Variants in CDC14B observed in about 807,000 individuals in gnomAD.
CDC14B encodes cell division cycle 14B.
A neutral mutation model predicts 64.2 loss-of-function variants in CDC14B; 22 were observed. That is an observed-to-expected ratio of 0.34 (90% CI 0.24 to 0.49). The LOEUF is 0.49. Ranked by LOEUF, CDC14B falls within the 20% of genes least tolerant of loss-of-function variation. The probability of loss-of-function intolerance (pLI) is 0.99; values close to 1 mark genes in which losing one functional copy is unlikely to be tolerated. For synonymous variants in CDC14B, 191 were observed against 215.8 expected, an observed-to-expected ratio of 0.89 and a Z score of 1.01; for missense variants, 498 against 629.9, an observed-to-expected ratio of 0.79 and a Z score of 2.24.
intron 4 of CDC14B, among the ~76,000 whole-genome samples, chr9:96,560,782 T>G (rs1370746468): frequency 6.8e-6 from 1 of 147,866 alleles, no homozygotes; most frequent in East Asian, 2.0e-4. Context: ...TTTTAAGGCT[T>G]TTGCTGCAAG....
intron 1 of CDC14B, among the ~76,000 whole-genome samples, chr9:96,588,012 T>C (rs965887099): frequency 1.3e-5 from 2 of 152,178 alleles, no homozygotes; most frequent in Non-Finnish European, 2.9e-5. Context: ...TTAATTTTTT[T>C]TTTCTATTCC....
intron 1 of CDC14B, among the ~76,000 whole-genome samples, chr9:96,588,637 A>C (rs1845597210): frequency 3.3e-5 from 5 of 152,028 alleles, no homozygotes; most frequent in Admixed American, 2.6e-4. Flanking sequence ...CAGGGACACA[A>C]CACCATACCT....
At chr9:96,508,475 G>A (rs1172708136) in intron 13 of CDC14B, among the ~76,000 whole-genome samples, 2 of 152,198 alleles carry the variant, frequency 1.3e-5, no homozygotes, top group Non-Finnish European at 2.9e-5. Flanking sequence ...CCAATGTACC[G>A]AAATCTTTGA....
rs966429622 is a variant in CDC14B, at chr9:96,604,657, C to CT, written c.160+14561dup. ...ACAGGCATGAGCCACCACACCTGGC[C>CT]TTTTTTTTTGCGGGGGGCGGGGCAG... On this transcript the variant is annotated intron_variant, in intron 1 of 13. Coordinates refer to ENST00000375241, the MANE Select transcript of CDC14B (RefSeq NM_033331.4). Among the ~76,000 whole-genome samples, 49 of 149,434 alleles carry CT rather than the reference C, an allele frequency of 3.3e-4. No homozygotes were observed. In the East Asian group the frequency reaches 6.9e-3, roughly 21 times the overall value.
intron 1 of CDC14B, among the ~76,000 whole-genome samples, chr9:96,604,375 A>G (rs939573603): frequency 6.8e-6 from 1 of 146,046 alleles, no homozygotes; most frequent in African/African-American, 2.5e-5. Flanking sequence ...TATTATTATT[A>G]TTATTATTAT....
chr9:96,519,547 C>A (rs1836329205), intron 12 of CDC14B, among the ~76,000 whole-genome samples: 1 of 151,896 alleles, frequency 6.6e-6, no homozygotes, highest in Admixed American at 6.6e-5. Context: ...ACCAGCCTGG[C>A]CAACATGGTG....
intron 1 of CDC14B, among the ~76,000 whole-genome samples, chr9:96,599,707 G>A (rs577861509): frequency 2.0e-5 from 3 of 152,166 alleles, no homozygotes; most frequent in African/African-American, 7.2e-5. Context: ...GAAACCGGGT[G>A]AGCTCTCTGT....
At chr9:96,546,413 G>A (rs1840840023) in intron 5 of CDC14B, among the ~76,000 whole-genome samples, 1 of 151,698 alleles carries the variant, frequency 6.6e-6, no homozygotes, top group Non-Finnish European at 1.5e-5. Context: ...AAAGGGGTGG[G>A]AGGGAAATCT....
chr9:96,578,756 G>C (rs1042864355), intron 1 of CDC14B, among the ~76,000 whole-genome samples: 15 of 152,210 alleles, frequency 9.9e-5, no homozygotes, highest in African/African-American at 3.1e-4. Flanking sequence ...AAAGGTTAAT[G>C]GGAAAGCTGG....
intron 1 of CDC14B, among the ~76,000 whole-genome samples, chr9:96,606,524 AGTTT>A (rs1438874069): frequency 3.4e-5 from 3 of 89,302 alleles, no homozygotes; most frequent in South Asian, 4.0e-4. Context: ...CTCTACTAAA[AGTTT>A]GTGTGTGTGT....
intron 8 of CDC14B, 60 bp from the exon 9 acceptor site, chr9:96,534,217 T>G: frequency 9.6e-7 from 1 of 1,043,488 alleles, no homozygotes. Flanking sequence ...GGCTAATAGT[T>G]TCACCTGTAA....
chr9:96,541,443 T>C (rs1157175205), intron 6 of CDC14B, among the ~76,000 whole-genome samples: 2 of 152,218 alleles, frequency 1.3e-5, no homozygotes, highest in Non-Finnish European at 2.9e-5. Flanking sequence ...TCTGTTGTAA[T>C]GGTATTGGCA....
At chr9:96,509,867 C>T in intron 12 of CDC14B, 78 bp from the exon 13 acceptor site, 1 of 846,216 alleles carries the variant, frequency 1.2e-6, no homozygotes, top group Non-Finnish European at 1.9e-6. Context: ...AGTATTTTTG[C>T]ACTTTAGTGC....
intron 1 of CDC14B, among the ~76,000 whole-genome samples, chr9:96,618,298 A>G (rs1271263336): frequency 6.6e-6 from 1 of 152,236 alleles, no homozygotes; most frequent in East Asian, 1.9e-4. Flanking sequence ...CACTGAAAAC[A>G]GACTGCCAAT....
At chr9:96,609,980 G>A (rs1326933244) in intron 1 of CDC14B, among the ~76,000 whole-genome samples, 1 of 152,228 alleles carries the variant, frequency 6.6e-6, no homozygotes, top group Admixed American at 6.5e-5. Context: ...ACTGGTGAAT[G>A]AAGCATTCTC....
intron 1 of CDC14B, among the ~76,000 whole-genome samples, chr9:96,578,999 G>A (rs562584115): frequency 6.6e-6 from 1 of 151,754 alleles, no homozygotes; most frequent in East Asian, 2.0e-4. Context: ...TCTATTTTTA[G>A]TAGAGACAGG....
intron 1 of CDC14B, among the ~76,000 whole-genome samples, chr9:96,582,563 G>A (rs1588028886): frequency 2.0e-5 from 3 of 152,206 alleles, no homozygotes; most frequent in Admixed American, 2.0e-4. Flanking sequence ...GGGTGGATGC[G>A]TCAAGTTATA....
chr9:96,508,014 ATT>A (rs905717510), intron 13 of CDC14B, among the ~76,000 whole-genome samples: 58 of 146,448 alleles, frequency 4.0e-4, no homozygotes, highest in African/African-American at 1.4e-3. Context: ...ATACTTCAGA[ATT>A]TTTTTTTTTT....
intron 13 of CDC14B, among the ~76,000 whole-genome samples, chr9:96,494,777 C>T (rs1474951711): frequency 4.4e-5 from 5 of 113,086 alleles, no homozygotes; most frequent in South Asian, 7.7e-4. Context: ...CCCCTCCCCC[C>T]TCCCGTCCCC....
Sources: gnomAD v4.1 joint callset for allele counts (sites outside exome capture counted in the v4.1 genomes callset) on GRCh38, gnomAD v4.1.1 for gene constraint, MANE v1.5 for transcripts, NCBI Gene and HGNC (gene_info 2026-07-23, HGNC 2026-07-21) for gene names.